PRDM2: variants seen among roughly 807,000 people sequenced by gnomAD.
PRDM2 encodes PR/SET domain 2.
In PRDM2, 30 loss-of-function variants were observed where a neutral mutation model predicts 130.0. The ratio of observed to expected loss-of-function variants is 0.23; its 90% CI spans 0.17 to 0.31. The LOEUF (loss-of-function observed/expected upper bound fraction) is 0.31. PRDM2 is among the 10% of genes least tolerant of loss of function. PRDM2 has a pLI of 1.00. For synonymous variants in PRDM2, 871 were observed against 782.4 expected (o/e 1.11, Z -1.89); for missense variants, 2,011 against 2,108.4 (o/e 0.95, Z 0.90).
intron 6 of PRDM2, among the ~76,000 whole-genome samples, chr1:13,756,263 A>C (rs1643950129): frequency 8.4e-6 from 1 of 118,730 alleles, no homozygotes; most frequent in Admixed American, 7.9e-5. Flanking sequence ...ACTCCTTCTC[A>C]AAAAAAAAAA....
intron 4 of PRDM2, among the ~76,000 whole-genome samples, chr1:13,735,540 CT>C (rs1424374028): frequency 1.3e-5 from 2 of 151,286 alleles, no homozygotes; most frequent in Non-Finnish European, 2.9e-5. Flanking sequence ...TTCTTTTCTT[CT>C]TTTTCTTTCA....
chr1:13,783,673 G>C (rs1644673911), intron 8 of PRDM2, among the ~76,000 whole-genome samples: 1 of 152,222 alleles, frequency 6.6e-6, no homozygotes, highest in Admixed American at 6.5e-5. Flanking sequence ...GGTTAAATTT[G>C]TTACATTGGA....
intron 8 of PRDM2, among the ~76,000 whole-genome samples, chr1:13,816,104 T>C (rs1645251794): frequency 6.6e-6 from 1 of 152,176 alleles, no homozygotes; most frequent in African/African-American, 2.4e-5. Flanking sequence ...CTGGCTCACC[T>C]GCATGTCCAC....
At chr1:13,736,301 A>G (rs187114884) in intron 4 of PRDM2, among the ~76,000 whole-genome samples, 172 of 151,700 alleles carry the variant, frequency 1.1e-3, no homozygotes, top group Non-Finnish European at 2.0e-3. Context: ...TTTGGTAGAG[A>G]TGGGGTTTCA....
chr1:13,759,203 A>C (rs1316993883), intron 6 of PRDM2, among the ~76,000 whole-genome samples: 1 of 151,494 alleles, frequency 6.6e-6, no homozygotes, highest in Middle Eastern at 3.4e-3. Flanking sequence ...AGCGATAAAC[A>C]ATCTTTTTTC....
intron 1 of PRDM2, among the ~76,000 whole-genome samples, chr1:13,703,713 G>A (rs1202614504): frequency 6.6e-6 from 1 of 152,218 alleles, no homozygotes; most frequent in Non-Finnish European, 1.5e-5. Flanking sequence ...TAGAGTTGAT[G>A]CGTGGTAAAT....
Position 13,820,284 on chromosome 1 carries a change from C to G in PRDM2, c.*24-2875C>G, listed in dbSNP as rs533326558. On this transcript the variant is annotated intron_variant, in intron 9 of 9. Coordinates refer to ENST00000311066, the MANE Select transcript of PRDM2 (RefSeq NM_001393986.1). ...ATTCCGGATTCAAGGCTTCGTCACCCGTCTCCCGGACAGTTTGAATGCAGC... is the reference window on the plus strand; with the variant it reads ...ATTCCGGATTCAAGGCTTCGTCACCGGTCTCCCGGACAGTTTGAATGCAGC... 3.3e-5 allele frequency among the ~76,000 whole-genome samples: 5 copies of G among 152,328 alleles called. No homozygotes were observed. The South Asian group carries it at 1.0e-3, about 32-fold the overall frequency.
intron 6 of PRDM2, among the ~76,000 whole-genome samples, chr1:13,768,356 T>C (rs1644280967): frequency 6.6e-6 from 1 of 151,884 alleles, no homozygotes; most frequent in African/African-American, 2.4e-5. Context: ...GTGCTGGGAT[T>C]ACAGGCGTGA....
chr1:13,738,905 A>G (rs1290943294), intron 4 of PRDM2: 1 of 151,884 alleles, frequency 6.6e-6, no homozygotes, highest in Non-Finnish European at 1.5e-5. Flanking sequence ...TAATTCTGTA[A>G]CTGAAACACA....
At chr1:13,808,742 G>T (rs1645125694) in intron 8 of PRDM2, among the ~76,000 whole-genome samples, 2 of 152,182 alleles carry the variant, frequency 1.3e-5, no homozygotes. Context: ...TAGGTACTAA[G>T]AATACAATGA....
chr1:13,815,210 G>T (rs1450192498), intron 8 of PRDM2, among the ~76,000 whole-genome samples: 1 of 152,048 alleles, frequency 6.6e-6, no homozygotes, highest in African/African-American at 2.4e-5. Flanking sequence ...GGGTTCAAGC[G>T]ATTCTCCTGC....
chr1:13,727,520 G>T (rs1300828370), intron 2 of PRDM2, among the ~76,000 whole-genome samples: 4 of 152,228 alleles, frequency 2.6e-5, no homozygotes, highest in Non-Finnish European at 5.9e-5. Context: ...CTTCCAAAGT[G>T]CTGGGATTAC....
At chr1:13,808,669 T>G (rs1351830730) in intron 8 of PRDM2, among the ~76,000 whole-genome samples, 1 of 152,036 alleles carries the variant, frequency 6.6e-6, no homozygotes, top group Non-Finnish European at 1.5e-5. Context: ...TATCACAGAG[T>G]CTTGAATTGC....
Position 13,777,676 on chromosome 1 carries a change from C to T in PRDM2, c.623-742C>T, listed in dbSNP as rs547954738. On this transcript the variant is annotated intron_variant, in intron 7 of 9. Transcript: ENST00000311066. Reference sequence around the variant, plus strand: ...TTTGCATGCCTCATTTTCCTTAGGTCTCTCCTCCACTGTCACCTTCTAAGC... The same window carrying T: ...TTTGCATGCCTCATTTTCCTTAGGTTTCTCCTCCACTGTCACCTTCTAAGC... 1.0e-3 allele frequency among the ~76,000 whole-genome samples: 105 copies of T among 101,136 alleles called. 3 individuals carry two copies. The South Asian group carries it at 0.046, about 44-fold the overall frequency. 66.3% of individuals were successfully genotyped at this position (101,136 alleles called of 152,430 possible).
intron 2 of PRDM2, chr1:13,722,877 G>T (rs760170788): frequency 2.1e-5 from 11 of 514,448 alleles, no homozygotes; most frequent in South Asian, 1.6e-4. Context: ...GCTTATTCAA[G>T]AAGACAAAAG....
At chr1:13,752,423 G>A (rs1406278548) in intron 6 of PRDM2, among the ~76,000 whole-genome samples, 1 of 152,192 alleles carries the variant, frequency 6.6e-6, no homozygotes, top group Non-Finnish European at 1.5e-5. Flanking sequence ...AATCTTTCAG[G>A]TAGAGAGCAA....
intron 6 of PRDM2, among the ~76,000 whole-genome samples, chr1:13,753,086 C>A (rs1402210407): frequency 6.6e-6 from 1 of 152,208 alleles, no homozygotes; most frequent in African/African-American, 2.4e-5. Context: ...AAAATAAGCA[C>A]TGGGTCTCTT....
intron 8 of PRDM2, chr1:13,786,974 T>C (rs1644754193): frequency 2.0e-6 from 2 of 988,614 alleles, no homozygotes; most frequent in South Asian, 4.7e-5. Context: ...TGGTCACATA[T>C]CAGCTCTTGA....
intron 8 of PRDM2, among the ~76,000 whole-genome samples, chr1:13,805,300 C>T (rs541177765): frequency 6.6e-6 from 1 of 152,198 alleles, no homozygotes; most frequent in Non-Finnish European, 1.5e-5. Flanking sequence ...ACAGCAAGTC[C>T]GTAATGGAGC....
Sources: gnomAD v4.1 joint callset for allele counts (sites outside exome capture counted in the v4.1 genomes callset) on GRCh38, gnomAD v4.1.1 for gene constraint, MANE v1.5 for transcripts, NCBI Gene and HGNC (gene_info 2026-07-23, HGNC 2026-07-21) for gene names.